Variants in INVS observed in about 807,000 individuals in gnomAD.
INVS encodes inversion of embryo turning homolog.
Under a neutral mutation model 108.8 loss-of-function variants are expected in INVS, and 86 were observed. That is an observed-to-expected ratio of 0.79 (90% CI 0.66 to 0.95). The LOEUF (loss-of-function observed/expected upper bound fraction) is 0.95, where lower values mean the gene tolerates loss of function less well. INVS is among the 40% of genes least tolerant of loss of function. The pLI is 0.00. For missense variants in INVS, 1,169 were observed against 1,297.4 expected (o/e 0.90, Z 1.52); for synonymous variants, 455 against 473.5 (o/e 0.96, Z 0.51).
At chr9:100,289,894 G>C (rs953379637) in intron 13 of INVS, among the ~76,000 whole-genome samples, 1 of 152,178 alleles carries the variant, frequency 6.6e-6, no homozygotes, top group African/African-American at 2.4e-5. Flanking sequence ...GAGTGTGATT[G>C]CTGGATCTTA....
chr9:100,270,782 C>G (rs1251266602), intron 11 of INVS, among the ~76,000 whole-genome samples: 1 of 148,232 alleles, frequency 6.7e-6, no homozygotes, highest in African/African-American at 2.5e-5. Flanking sequence ...ATTAGCCAGC[C>G]TTGGTGGTAC....
chr9:100,297,077 C>A lies in INVS; in HGVS notation c.2947C>A (p.Pro983Thr). The A allele has an allele frequency of 6.2e-7, 1 of 1,613,978 alleles. No homozygotes were observed. The highest frequency in any genetic ancestry group is 8.5e-7 in the Non-Finnish European group (1 of 1,179,996). The stretch of plus-strand genomic sequence containing the variant: ...CCAAACCACTGCAGTAAGCAAGGCC[C>A]CCAAGAGTCCATCCAAGGGCACCTC... ...FPQTTAVSKA[P>T]KSPSKGTSGT... is the part of the protein sequence containing the mutation. Residue 983 changes from proline (P) to threonine (T), a missense_variant, in exon 15 of 17, where the codon CCC becomes ACC. Around this residue, in one of 3 missense-constraint regions of INVS, gnomAD observed 533 missense variants for 536.0 expected, o/e 0.99. Coordinates refer to ENST00000262457, the MANE Select transcript of INVS (RefSeq NM_014425.5).
chr9:100,126,923 T>C (rs1213358347), intron 3 of INVS, among the ~76,000 whole-genome samples: 1 of 152,218 alleles, frequency 6.6e-6, no homozygotes, highest in East Asian at 1.9e-4. Flanking sequence ...GGAATATATA[T>C]GGAATTTTTT....
intron 3 of INVS, among the ~76,000 whole-genome samples, chr9:100,149,672 C>T (rs1264408236): frequency 6.6e-6 from 1 of 152,124 alleles, no homozygotes; most frequent in Non-Finnish European, 1.5e-5. Context: ...TCCTTTAACA[C>T]TTTGATTATA....
At chr9:100,295,785 A>T (rs933303810) in intron 14 of INVS, among the ~76,000 whole-genome samples, 7 of 152,230 alleles carry the variant, frequency 4.6e-5, no homozygotes, top group Non-Finnish European at 7.3e-5. Flanking sequence ...CTGAGGGCTG[A>T]CACCATTAAC....
At chr9:100,106,607 A>G (rs140152743) in intron 2 of INVS, among the ~76,000 whole-genome samples, 1 of 152,340 alleles carries the variant, frequency 6.6e-6, no homozygotes, top group East Asian at 1.9e-4. Flanking sequence ...GCAACTACTA[A>G]GCAGTTGAAC....
At chr9:100,296,115 G>A (rs1833783844) in intron 14 of INVS, among the ~76,000 whole-genome samples, 1 of 152,070 alleles carries the variant, frequency 6.6e-6, no homozygotes, top group Admixed American at 6.5e-5. Context: ...AGCCCAAATG[G>A]GATCACTGTA....
At chr9:100,198,345 T>C (rs929082003) in intron 3 of INVS, among the ~76,000 whole-genome samples, 1 of 133,852 alleles carries the variant, frequency 7.5e-6, no homozygotes, top group African/African-American at 2.8e-5. Flanking sequence ...TTGTGCAGGC[T>C]GGAGTGCAAC....
rs996740227 is a variant in INVS at position 100,226,247 on chromosome 9, T to C, written c.447+12T>C. 2.5e-6 allele frequency: 4 copies of C among 1,610,950 alleles called. No individual in the cohort carries two copies. Among genetic ancestry groups the C allele is most frequent in the Non-Finnish European group, 2.5e-6 (3 of 1,177,914 alleles). ...AGGATAAAAACAAGGTAATGGATAC[T>C]CAAAATCAAAGACTAATAAGACCAG... On this transcript the variant is annotated intron_variant, in intron 4 of 16. Coordinates refer to ENST00000262457, the MANE Select transcript of INVS (RefSeq NM_014425.5).
chr9:100,229,390 CAGGT>C (rs1235216599), intron 4 of INVS, among the ~76,000 whole-genome samples: 4 of 151,958 alleles, frequency 2.6e-5, no homozygotes, highest in Non-Finnish European at 5.9e-5. Flanking sequence ...ATTTGTGTCC[CAGGT>C]AGGATGGGGT....
chr9:100,278,029 G>A (rs925732165), intron 12 of INVS, among the ~76,000 whole-genome samples: 1 of 151,948 alleles, frequency 6.6e-6, no homozygotes, highest in African/African-American at 2.4e-5. Flanking sequence ...AGGAGTTTGA[G>A]ACCAGCCCAG....
At chr9:100,145,014 C>T (rs1377644719) in intron 3 of INVS, among the ~76,000 whole-genome samples, 2 of 152,046 alleles carry the variant, frequency 1.3e-5, no homozygotes, top group Non-Finnish European at 2.9e-5. Flanking sequence ...TCGAAAGTGC[C>T]GTTTTCTGTC....
intron 5 of INVS, among the ~76,000 whole-genome samples, chr9:100,239,797 C>T (rs1347915166): frequency 1.3e-5 from 2 of 151,908 alleles, no homozygotes; most frequent in African/African-American, 4.8e-5. Context: ...CATGGCAATA[C>T]CCCATCTCTA....
intron 5 of INVS, among the ~76,000 whole-genome samples, chr9:100,239,423 G>T (rs1339148314): frequency 6.6e-6 from 1 of 151,968 alleles, no homozygotes; most frequent in Non-Finnish European, 1.5e-5. Context: ...ATTGTTTATG[G>T]ATACATACAT....
At chr9:100,203,377 T>G (rs1830585779) in intron 3 of INVS, among the ~76,000 whole-genome samples, 1 of 152,186 alleles carries the variant, frequency 6.6e-6, no homozygotes, top group African/African-American at 2.4e-5. Flanking sequence ...AACATTTTTT[T>G]CTCAAGTTTA....
Position 100,183,852 on chromosome 9 carries a change from C to G in INVS, c.274-42210C>G, listed in dbSNP as rs147180976. Among the ~76,000 whole-genome samples, 682 of 118,550 alleles carry G rather than the reference C, an allele frequency of 5.8e-3. 7 individuals are homozygous for G. The highest frequency in any genetic ancestry group is 0.02 in the African/African-American group (645 of 32,138). 77.8% of individuals were successfully genotyped at this position (118,550 alleles called of 152,430 possible). A position where few individuals can be genotyped will look rare whatever the true frequency, so the allele number is the denominator to read the frequency against. On this transcript the variant is annotated intron_variant, in intron 3 of 16. Coordinates refer to ENST00000262457, the MANE Select transcript of INVS (RefSeq NM_014425.5). ...AGATAAATAGGTAGCTAAAGATAAACAATTATTTTTTCTTAATTTCTTTAA... is the reference window on the plus strand; with the variant it reads ...AGATAAATAGGTAGCTAAAGATAAAGAATTATTTTTTCTTAATTTCTTTAA...
At chr9:100,184,501 G>A (rs916022066) in intron 3 of INVS, among the ~76,000 whole-genome samples, 15 of 152,118 alleles carry the variant, frequency 9.9e-5, no homozygotes, top group Non-Finnish European at 2.2e-4. Flanking sequence ...GTAAAAAAAT[G>A]AAGAAAAGAT....
At chr9:100,265,633 G>A (rs1223329933) in intron 11 of INVS, among the ~76,000 whole-genome samples, 1 of 152,220 alleles carries the variant, frequency 6.6e-6, no homozygotes, top group African/African-American at 2.4e-5. Flanking sequence ...TTATCAGTCA[G>A]TAGACAAAGA....
Position 100,221,060 on chromosome 9 carries a change from A to T in INVS, c.274-5002A>T, listed in dbSNP as rs145741840. ...ATTCTCAAAAACATAAGAACTCCTC[A>T]GTTCAAGAAATACCGAGGAAGTATT... On this transcript the variant is annotated intron_variant, in intron 3 of 16. Transcript: ENST00000262457. 2.7e-4 allele frequency among the ~76,000 whole-genome samples: 41 copies of T among 152,272 alleles called. No individual in the cohort carries two copies. In the East Asian group the frequency reaches 7.9e-3, roughly 29 times the overall value.
Sources: allele counts gnomAD v4.1 joint callset (sites outside exome capture counted in the v4.1 genomes callset), GRCh38; gene constraint gnomAD v4.1.1; regional missense constraint gnomAD v4.1.1; transcripts MANE v1.5; gene names NCBI Gene and HGNC (gene_info 2026-07-23, HGNC 2026-07-21).